The following RAP1GAP variants were observed in gnomAD, a reference collection of about 807,000 sequenced individuals.
The protein encoded by RAP1GAP is RAP1 GTPase activating protein, also known as rap1 GTPase-activating protein 1.
A neutral mutation model predicts 87.2 loss-of-function variants in RAP1GAP; 35 were observed. That is an observed-to-expected ratio of 0.40 (90% CI 0.31 to 0.53). RAP1GAP has a LOEUF of 0.53. Ranked by LOEUF, RAP1GAP falls within the 20% of genes least tolerant of loss-of-function variation. The pLI, the probability that RAP1GAP is intolerant of heterozygous loss-of-function variation, is 0.48. For synonymous variants in RAP1GAP, 375 were observed against 363.9 expected (o/e 1.03, Z -0.35); for missense variants, 734 against 898.9 (o/e 0.82, Z 2.35).
chr1:21,602,916 G>C lies in RAP1GAP; in HGVS notation c.1429-3C>G. On this transcript the variant is annotated splice_region_variant and splice_polypyrimidine_tract_variant and intron_variant, in intron 18 of 24. Coordinates refer to ENST00000374765, the MANE Select transcript of RAP1GAP (RefSeq NM_002885.4). Reference sequence around the variant, plus strand: ...CTCTTCCCAGGGACAATCAGTGACTGTGGGGAGAGGCCCCAACTCAGTGCC... The same window carrying C: ...CTCTTCCCAGGGACAATCAGTGACTCTGGGGAGAGGCCCCAACTCAGTGCC... 1 of 1,603,936 alleles carries C rather than the reference G, an allele frequency of 6.2e-7. No individual in the cohort carries two copies. The highest frequency in any genetic ancestry group is 8.5e-7 in the Non-Finnish European group (1 of 1,174,616).
At position 21,606,164 on chromosome 1, in the gene RAP1GAP, C is replaced by T; in HGVS notation, c.1330G>A (p.Ala444Thr). ...GGCTTCTTGTTGCTCAGCCCCATGG[C>T]ATCCATGGACTGGCTGCGGCTCCGG... is the stretch of plus-strand genomic sequence containing the variant. ...VIRSRSQSMD[A>T]MGLSNKKPNT... Residue 444 changes from alanine to threonine, a missense_variant, in exon 18 of 25, where the codon GCC (alanine) becomes ACC (threonine). Ala to Thr is a moderately conservative substitution (Grantham distance 58). Around this residue, in one of 2 missense-constraint regions of RAP1GAP, gnomAD observed 485 missense variants for 646.2 expected, o/e 0.75. Transcript: ENST00000374765. The T allele has an allele frequency of 6.3e-7, 1 of 1,585,804 alleles. No individual in the cohort carries two copies. Among genetic ancestry groups the T allele is most frequent in the Admixed American group, 1.8e-5 (1 of 55,614 alleles).
At chr1:21,624,285 T>C (rs2090763590) in intron 3 of RAP1GAP, among the ~76,000 whole-genome samples, 1 of 152,156 alleles carries the variant, frequency 6.6e-6, no homozygotes, top group South Asian at 2.1e-4. Flanking sequence ...GCCCTGGGAA[T>C]GTAATGACGC....
chr1:21,611,648 C>T, intron 12 of RAP1GAP, 67 bp from the exon 13 acceptor site: 1 of 1,613,506 alleles, frequency 6.2e-7, no homozygotes, highest in Non-Finnish European at 8.5e-7. Flanking sequence ...GGGGCCAGGA[C>T]AGGGGCTCCC....
chr1:21,642,635 A>C (rs1020846252), intron 2 of RAP1GAP, among the ~76,000 whole-genome samples: 5 of 151,836 alleles, frequency 3.3e-5, no homozygotes, highest in African/African-American at 4.8e-5. Context: ...GGCGACTGGC[A>C]CCCTAGCAGG....
intron 7 of RAP1GAP, among the ~76,000 whole-genome samples, chr1:21,614,883 C>T (rs915406834): frequency 9.2e-5 from 14 of 152,220 alleles, no homozygotes; most frequent in African/African-American, 2.7e-4. Flanking sequence ...CGGCCACACC[C>T]GCCCCAGGAA....
chr1:21,666,679 C>T (rs1240443673), intron 1 of RAP1GAP, among the ~76,000 whole-genome samples: 3 of 152,166 alleles, frequency 2.0e-5, no homozygotes, highest in Non-Finnish European at 4.4e-5. Flanking sequence ...GAAGCATTAA[C>T]ATCCCACACG....
chr1:21,598,544 C>G lies in RAP1GAP; in HGVS notation c.1777-42G>C, dbSNP rs1384544946. On this transcript the variant is annotated intron_variant, in intron 21 of 24. Coordinates refer to ENST00000374765, the MANE Select transcript of RAP1GAP (RefSeq NM_002885.4). ...AAGAGGGAGGGAGGTTAGCCTATGC[C>G]CTTGGCACTGGCTAGGGCTCCCTCC... 7.9e-6 allele frequency: 12 copies of G among 1,515,552 alleles called. No homozygotes were observed. The Admixed American group carries it at 1.2e-4, about 15-fold the overall frequency. 93.9% of individuals were successfully genotyped at this position (1,515,552 alleles called of 1,614,324 possible).
intron 3 of RAP1GAP, among the ~76,000 whole-genome samples, chr1:21,624,934 A>G (rs1262230448): frequency 2.0e-5 from 3 of 152,142 alleles, no homozygotes; most frequent in African/African-American, 7.2e-5. Context: ...GTGAGAACCC[A>G]GGGCTCCTCC....
intron 15 of RAP1GAP, 35 bp from the exon 16 acceptor site, chr1:21,608,971 G>A (rs1364445726): frequency 6.4e-7 from 1 of 1,561,196 alleles, no homozygotes; most frequent in East Asian, 2.2e-5. Context: ...ATAAGGAAGG[G>A]AAGTTGAGAT....
At chr1:21,620,489 A>G (rs1193015032) in intron 3 of RAP1GAP, among the ~76,000 whole-genome samples, 1 of 152,148 alleles carries the variant, frequency 6.6e-6, no homozygotes, top group African/African-American at 2.4e-5. Flanking sequence ...ACCCCTCTCC[A>G]AGGGGAGTGA....
Position 21,649,785 on chromosome 1 carries a change from G to T in RAP1GAP, c.-137C>A. The T allele has an allele frequency of 6.4e-7, 1 of 1,552,400 alleles. No homozygotes were observed. Among genetic ancestry groups the T allele is most frequent in the Non-Finnish European group, 8.7e-7 (1 of 1,147,444 alleles). ...CCACACACTCCGGCGAGAAGTGAAG[G>T]ACTTGTCCACCCTGAAACACAACAA... On this transcript the variant is annotated 5_prime_UTR_variant, in exon 2 of 25. Transcript: ENST00000374765.
intron 1 of RAP1GAP, among the ~76,000 whole-genome samples, chr1:21,653,786 G>C (rs1284846992): frequency 6.6e-6 from 1 of 152,074 alleles, no homozygotes; most frequent in Non-Finnish European, 1.5e-5. Context: ...CTGGGGCCTG[G>C]ACTCCAGCCA....
chr1:21,613,493 G>C lies in RAP1GAP; in HGVS notation c.474+135C>G, dbSNP rs967078100. 9.2e-6 allele frequency: 8 copies of C among 873,010 alleles called. No individual in the cohort carries two copies. The highest frequency in any genetic ancestry group is 1.3e-5 in the Non-Finnish European group (7 of 533,842). 54.1% of individuals were successfully genotyped at this position (873,010 alleles called of 1,614,324 possible). ...CCCAAGACACGATGGGAACAAGTGA[G>C]AGACAGCCTCAGGATAGGGCGGCAG... is the stretch of plus-strand genomic sequence containing the variant. On this transcript the variant is annotated intron_variant, in intron 9 of 24. Transcript: ENST00000374765. This position sits in a 1 kb window ranked among gnomAD's most constrained non-coding sequence, Gnocchi z 4.7.
At position 21,602,908 on chromosome 1, in the gene RAP1GAP, C is replaced by G. The variant is rs1216177277; in HGVS notation, c.1434G>C (p.Leu478=). The G allele has an allele frequency of 6.2e-7, 1 of 1,608,888 alleles. No individual in the cohort carries two copies. The highest frequency in any genetic ancestry group is 8.5e-7 in the Non-Finnish European group (1 of 1,178,290). The change falls in exon 19 of 25, where the codon CTG becomes CTC. Residue 478 remains leucine (L), a synonymous_variant. Transcript: ENST00000374765. ...TCGTGGGGCTCTTCCCAGGGACAAT[C>G]AGTGACTGTGGGGAGAGGCCCCAAC... ...PDLAKAAGIS[L]IVPGKSPTRK...
Position 21,603,425 on chromosome 1 carries a change from C to A in RAP1GAP, c.1429-512G>T. 5 of 556,440 alleles carry A rather than the reference C, an allele frequency of 9.0e-6. No homozygotes were observed. In the South Asian group the frequency reaches 1.2e-4, roughly 13 times the overall value. The allele number at this position is 556,440 out of a possible 1,614,324, so 34.5% of individuals were successfully genotyped here. On this transcript the variant is annotated intron_variant, in intron 18 of 24. Coordinates refer to ENST00000374765, the MANE Select transcript of RAP1GAP (RefSeq NM_002885.4). This position sits in a 1 kb window ranked among gnomAD's most constrained non-coding sequence, Gnocchi z 6.0. ...TGCCCCAGGCCCCAGAAGCCCGCCC[C>A]CAGCTTCTCTGGAGGCAGGAAGGGG...
chr1:21,598,610 T>G, intron 21 of RAP1GAP, 108 bp from the exon 22 acceptor site: 1 of 928,518 alleles, frequency 1.1e-6, no homozygotes, highest in Non-Finnish European at 1.7e-6. Context: ...CCCCCACCCG[T>G]ACCCTCTGCG....
At chr1:21,659,282 A>T (rs980566271) in intron 1 of RAP1GAP, among the ~76,000 whole-genome samples, 1 of 152,206 alleles carries the variant, frequency 6.6e-6, no homozygotes, top group Non-Finnish European at 1.5e-5. Flanking sequence ...ATTGGCCGTC[A>T]TAAGAACTGC....
At chr1:21,610,027 G>A (rs369231012) in intron 14 of RAP1GAP, 93 bp downstream of exon 14, 174 of 1,441,736 alleles carry the variant, frequency 1.2e-4, no homozygotes, top group East Asian at 1.2e-3. Flanking sequence ...CATTATAGCT[G>A]GAAAAAGTGA....
chr1:21,660,544 G>C, intron 1 of RAP1GAP, among the ~76,000 whole-genome samples: 1 of 151,420 alleles, frequency 6.6e-6, no homozygotes, highest in Non-Finnish European at 1.5e-5. Context: ...ATTTTGGCCA[G>C]GCTGGTCTTC....
Sources: gnomAD v4.1 joint callset for allele counts (sites outside exome capture counted in the v4.1 genomes callset) on GRCh38, gnomAD v4.1.1 for gene constraint, gnomAD v4.1.1 regional missense constraint, Gnocchi (gnomAD v3.1) non-coding constraint, MANE v1.5 for transcripts, NCBI Gene and HGNC (gene_info 2026-07-23, HGNC 2026-07-21) for gene names.